The following GALNT14 variants were observed in gnomAD, a reference collection of about 807,000 sequenced individuals.
GALNT14 encodes the protein UDP-GalNAc:polypeptide N-acetylgalactosaminyltransferase 14.
Under a neutral mutation model 77.5 loss-of-function variants are expected in GALNT14, and 60 were observed. That is an observed-to-expected ratio of 0.77 (90% confidence interval 0.63 to 0.96). The LOEUF (loss-of-function observed/expected upper bound fraction) is 0.96. GALNT14 is among the 40% of genes least tolerant of loss of function. GALNT14 has a pLI of 0.00. For missense variants in GALNT14, 710 were observed against 731.0 expected (o/e 0.97, Z 0.33); for synonymous variants, 280 against 281.7 (o/e 0.99, Z 0.06).
chr2:30,964,290 C>G (rs541587030), intron 3 of GALNT14, among the ~76,000 whole-genome samples: 20 of 152,192 alleles, frequency 1.3e-4, no homozygotes, highest in African/African-American at 4.6e-4. Flanking sequence ...ATGAACCCCC[C>G]CTGGTGCCCC....
At chr2:31,095,245 C>A (rs2148604828) in intron 1 of GALNT14, among the ~76,000 whole-genome samples, 1 of 152,206 alleles carries the variant, frequency 6.6e-6, no homozygotes, top group East Asian at 1.9e-4. Flanking sequence ...ATGGGGTGAC[C>A]AGCAGGATCC....
At chr2:30,960,981 G>A (rs1667657812) in intron 3 of GALNT14, among the ~76,000 whole-genome samples, 1 of 152,194 alleles carries the variant, frequency 6.6e-6, no homozygotes, top group African/African-American at 2.4e-5. Flanking sequence ...TCATCTCTCT[G>A]CCAGAGGGCA....
chr2:30,939,636 C>T (rs192780318), intron 9 of GALNT14, among the ~76,000 whole-genome samples: 5 of 152,022 alleles, frequency 3.3e-5, no homozygotes, highest in South Asian at 2.1e-4. Context: ...AGCTCAGATT[C>T]GATAGTACAA....
chr2:31,048,461 G>A (rs1673621556), intron 1 of GALNT14, among the ~76,000 whole-genome samples: 1 of 152,166 alleles, frequency 6.6e-6, no homozygotes, highest in Non-Finnish European at 1.5e-5. Context: ...TGGTGGGGTT[G>A]CAAGACTCAG....
intron 7 of GALNT14, 122 bp from the exon 8 acceptor site, chr2:30,945,064 C>T: frequency 2.7e-6 from 2 of 745,672 alleles, no homozygotes; most frequent in South Asian, 6.6e-5. Flanking sequence ...AGAGGCCGGT[C>T]CCTGGGATTG....
In GALNT14 at chr2:30,960,417, G is replaced by A. The variant is rs377215918; in HGVS notation, c.399-1953C>T. Among the ~76,000 whole-genome samples, 16 of 152,150 alleles carry A rather than the reference G, an allele frequency of 1.1e-4. No individual in the cohort carries two copies. The East Asian group carries it at 1.2e-3, about 11-fold the overall frequency. On this transcript the variant is annotated intron_variant, in intron 3 of 14. Coordinates refer to ENST00000349752, the MANE Select transcript of GALNT14 (RefSeq NM_024572.4). Reference sequence around the variant, plus strand: ...TTCTGCGAACATCAAAAGGTAAATCGCGTGCGGCTCTGCACTGGTTGAACT... The same window carrying A: ...TTCTGCGAACATCAAAAGGTAAATCACGTGCGGCTCTGCACTGGTTGAACT...
At chr2:31,122,015 C>T (rs747027446) in intron 1 of GALNT14, among the ~76,000 whole-genome samples, 10 of 152,008 alleles carry the variant, frequency 6.6e-5, no homozygotes, top group Non-Finnish European at 1.3e-4. Flanking sequence ...GAATAAATAG[C>T]CCAGAGGGTG....
chr2:31,031,003 C>T (rs1672373785), intron 1 of GALNT14, among the ~76,000 whole-genome samples: 1 of 152,190 alleles, frequency 6.6e-6, no homozygotes, highest in Non-Finnish European at 1.5e-5. Context: ...CATGAGAAAG[C>T]GCATGTGTGT....
intron 1 of GALNT14, among the ~76,000 whole-genome samples, chr2:31,053,561 T>C (rs1378912341): frequency 6.6e-6 from 1 of 151,538 alleles, no homozygotes; most frequent in African/African-American, 2.4e-5. Context: ...CCGACAAAAA[T>C]GCAACCAGGG....
At chr2:31,108,712 G>A (rs1677687602) in intron 1 of GALNT14, among the ~76,000 whole-genome samples, 1 of 152,178 alleles carries the variant, frequency 6.6e-6, no homozygotes, top group Non-Finnish European at 1.5e-5. Flanking sequence ...GTGTCCTTGG[G>A]GAATGAGGAC....
chr2:30,905,839 C>G (rs1664127533), downstream of GALNT14, among the ~76,000 whole-genome samples: 1 of 151,626 alleles, frequency 6.6e-6, no homozygotes, highest in Non-Finnish European at 1.5e-5. Flanking sequence ...CAAAGGGAAG[C>G]CCATCAGACT....
chr2:31,046,283 G>A (rs1315186108), intron 1 of GALNT14, among the ~76,000 whole-genome samples: 1 of 149,550 alleles, frequency 6.7e-6, no homozygotes, highest in Non-Finnish European at 1.5e-5. Context: ...CTGGAGTGCA[G>A]CGGCACAATC....
chr2:31,101,900 G>A (rs768081015), intron 1 of GALNT14, among the ~76,000 whole-genome samples: 8 of 152,038 alleles, frequency 5.3e-5, no homozygotes, highest in African/African-American at 1.4e-4. Flanking sequence ...TCTCATGAGA[G>A]CCGATGGTTT....
intron 1 of GALNT14, among the ~76,000 whole-genome samples, chr2:31,093,645 C>G (rs1325030512): frequency 6.6e-6 from 1 of 152,208 alleles, no homozygotes; most frequent in Non-Finnish European, 1.5e-5. Flanking sequence ...ATCTATCACG[C>G]CACTCTGTTG....
At chr2:30,959,950 C>T (rs1312848526) in intron 3 of GALNT14, among the ~76,000 whole-genome samples, 1 of 152,172 alleles carries the variant, frequency 6.6e-6, no homozygotes, top group Non-Finnish European at 1.5e-5. Context: ...ATGCAGCCCT[C>T]CTCCCAGGAG....
chr2:31,130,734 CTGTG>C (rs4020220), intron 1 of GALNT14, among the ~76,000 whole-genome samples: 20,514 of 117,298 alleles, frequency 0.17, 1,760 homozygotes, highest in East Asian at 0.34. Flanking sequence ...CAGGGTACCT[CTGTG>C]TGTGTGTGTG....
At chr2:30,930,306 C>G (rs1410299349) in intron 10 of GALNT14, among the ~76,000 whole-genome samples, 3 of 152,206 alleles carry the variant, frequency 2.0e-5, no homozygotes, top group Admixed American at 1.3e-4. Context: ...TACTCAGGTC[C>G]CAGCTCTCCA....
chr2:31,112,615 A>G (rs1310998890), intron 1 of GALNT14, among the ~76,000 whole-genome samples: 1 of 152,230 alleles, frequency 6.6e-6, no homozygotes, highest in Non-Finnish European at 1.5e-5. Flanking sequence ...TCTCATTGGA[A>G]AGGATATTTG....
At chr2:30,944,492 T>A (rs1666567910) in intron 8 of GALNT14, among the ~76,000 whole-genome samples, 1 of 152,212 alleles carries the variant, frequency 6.6e-6, no homozygotes, top group African/African-American at 2.4e-5. Flanking sequence ...GGCTGAATCC[T>A]GATGTCCAAG....
Sources: gnomAD v4.1 joint callset for allele counts (sites outside exome capture counted in the v4.1 genomes callset) on GRCh38, gnomAD v4.1.1 for gene constraint, MANE v1.5 for transcripts, NCBI Gene and HGNC (gene_info 2026-07-23, HGNC 2026-07-21) for gene names.